Variants in ERO1B observed in about 807,000 individuals in gnomAD.
ERO1B encodes endoplasmic reticulum oxidoreductase 1 beta, also known as ERO1-like protein beta.
ERO1B carries 49 observed loss-of-function variants against 75.3 expected under a neutral mutation model. That is an observed-to-expected ratio of 0.65 (90% CI 0.52 to 0.83). ERO1B has a LOEUF of 0.83. Among genes scored for constraint, ERO1B ranks in the 40% least tolerant of loss-of-function variants. The pLI, the probability that ERO1B is intolerant of heterozygous loss-of-function variation, is 0.00. For synonymous variants in ERO1B, 191 were observed against 192.9 expected, an observed-to-expected ratio of 0.99 and a Z score of 0.08; for missense variants, 512 against 560.1, an observed-to-expected ratio of 0.91 and a Z score of 0.87.
At chr1:236,267,864 T>C (rs1359458832) in intron 2 of ERO1B, 2 of 151,996 alleles carry the variant, frequency 1.3e-5, no homozygotes, top group East Asian at 1.9e-4. Flanking sequence ...ATATATTACA[T>C]GGATTTTTGG....
intron 4 of ERO1B, among the ~76,000 whole-genome samples, chr1:236,250,429 G>T (rs1051032187): frequency 6.6e-5 from 10 of 151,622 alleles, no homozygotes; most frequent in African/African-American, 1.7e-4. Context: ...CTGAGATCAC[G>T]CCACTGCACT....
In ERO1B at chr1:236,269,932, G is replaced by A. The variant is rs958010730; in HGVS notation, c.165C>T (p.Tyr55=). 1 of 1,605,034 alleles carries A rather than the reference G, an allele frequency of 6.2e-7. No homozygotes were observed. Among genetic ancestry groups the A allele is most frequent in the Non-Finnish European group, 8.5e-7 (1 of 1,171,912 alleles). Reference sequence around the variant, plus strand: ...ATTTTTTTATTTTGGGGAAGATTTTGTAGGTATTGAAGTTATCGATGCTGT... The same window carrying A: ...ATTTTTTTATTTTGGGGAAGATTTTATAGGTATTGAAGTTATCGATGCTGT... The part of the protein sequence containing the change: ...DIDSIDNFNT[Y]KIFPKIKKLQ... The change falls in exon 2 of 16, where the codon TAC becomes TAT. Residue 55 remains tyrosine, a synonymous_variant. Coordinates refer to ENST00000354619, the MANE Select transcript of ERO1B (RefSeq NM_019891.4).
chr1:236,261,880 C>T (rs953972650), intron 2 of ERO1B, among the ~76,000 whole-genome samples: 3 of 152,050 alleles, frequency 2.0e-5, no homozygotes, highest in Admixed American at 1.3e-4. Flanking sequence ...GTTTTCAAGG[C>T]TACAGTGAGC....
chr1:236,236,119 G>T (rs1186189190), intron 7 of ERO1B, among the ~76,000 whole-genome samples, 159 bp downstream of exon 7: 1 of 152,086 alleles, frequency 6.6e-6, no homozygotes, highest in Non-Finnish European at 1.5e-5. Context: ...TTGACACGGG[G>T]TTTCACCATG....
At chr1:236,235,236 G>A (rs757525508) in intron 8 of ERO1B, among the ~76,000 whole-genome samples, 25 of 152,126 alleles carry the variant, frequency 1.6e-4, no homozygotes, top group Admixed American at 9.2e-4. Flanking sequence ...TACATGAGTC[G>A]GCACCTGAGG....
chr1:236,227,626 A>G (rs1266024423), intron 10 of ERO1B, among the ~76,000 whole-genome samples: 3 of 152,152 alleles, frequency 2.0e-5, no homozygotes, highest in Non-Finnish European at 4.4e-5. Context: ...CACTTTCCCC[A>G]TGCAGGAAAA....
intron 1 of ERO1B, among the ~76,000 whole-genome samples, chr1:236,271,501 C>T (rs1417484979): frequency 6.6e-6 from 1 of 152,148 alleles, no homozygotes; most frequent in Non-Finnish European, 1.5e-5. Context: ...TTCCATTGCT[C>T]TCACTTACTA....
intron 2 of ERO1B, among the ~76,000 whole-genome samples, chr1:236,263,300 G>A (rs1325703705): frequency 6.6e-6 from 1 of 152,120 alleles, no homozygotes; most frequent in African/African-American, 2.4e-5. Flanking sequence ...CCAGGCTGGA[G>A]TGCAGTGGCA....
At chr1:236,277,071 A>C (rs1467127109) in intron 1 of ERO1B, among the ~76,000 whole-genome samples, 1 of 152,132 alleles carries the variant, frequency 6.6e-6, no homozygotes, top group Non-Finnish European at 1.5e-5. Context: ...TCTTTTCTTT[A>C]AAAATTACCC....
chr1:236,250,602 T>C (rs1249444479), intron 4 of ERO1B, among the ~76,000 whole-genome samples: 24 of 62,308 alleles, frequency 3.9e-4, no homozygotes, highest in Non-Finnish European at 5.4e-4. Flanking sequence ...TATATATATA[T>C]ATATATATAT....
chr1:236,270,350 G>A (rs1665562797), intron 1 of ERO1B, among the ~76,000 whole-genome samples: 1 of 152,126 alleles, frequency 6.6e-6, no homozygotes, highest in South Asian at 2.1e-4. Context: ...AGTAACCCAT[G>A]TCTTTTATCT....
rs2102937134 is a variant in ERO1B, at chr1:236,220,781, T to C, written c.1343+51A>G. ...AGCAAAGAAGATTATCTTTGCAGTTTGTTGAAACCCAATGGGAAATCAAAA... is the reference window on the plus strand; with the variant it reads ...AGCAAAGAAGATTATCTTTGCAGTTCGTTGAAACCCAATGGGAAATCAAAA... On this transcript the variant is annotated intron_variant, in intron 15 of 15. Coordinates refer to ENST00000354619, the MANE Select transcript of ERO1B (RefSeq NM_019891.4). The C allele has an allele frequency of 4.1e-6, 6 of 1,465,922 alleles. No homozygotes were observed. The East Asian group carries it at 1.5e-4, about 36-fold the overall frequency. The allele number at this position is 1,465,922 out of a possible 1,614,324, so 90.8% of individuals were successfully genotyped here.
chr1:236,259,733 AT>A (rs1665250338), intron 2 of ERO1B, among the ~76,000 whole-genome samples: 1 of 152,250 alleles, frequency 6.6e-6, no homozygotes, highest in Non-Finnish European at 1.5e-5. Flanking sequence ...AGGTAAATAT[AT>A]AAAGCAAATA....
intron 1 of ERO1B, among the ~76,000 whole-genome samples, chr1:236,278,343 C>A (rs1003246761): frequency 6.6e-6 from 1 of 151,902 alleles, no homozygotes; most frequent in African/African-American, 2.4e-5. Context: ...TTCTCGTTTA[C>A]CCTTATACTG....
chr1:236,244,602 T>C (rs1664795695), intron 5 of ERO1B, among the ~76,000 whole-genome samples: 1 of 152,184 alleles, frequency 6.6e-6, no homozygotes, highest in Admixed American at 6.5e-5. Flanking sequence ...AAATTCCTAT[T>C]TTCTTGTTAA....
intron 1 of ERO1B, among the ~76,000 whole-genome samples, chr1:236,272,875 G>T (rs2812475): frequency 0.91 from 139,137 of 152,106 alleles, 64,877 homozygotes; most frequent in East Asian, 1. Context: ...TTGTTAACAC[G>T]TTATTATGGC....
intron 2 of ERO1B, among the ~76,000 whole-genome samples, chr1:236,264,914 G>A (rs377534408): frequency 1.1e-4 from 16 of 152,046 alleles, no homozygotes; most frequent in South Asian, 8.3e-4. Flanking sequence ...CACACTATCC[G>A]GGCGATGGTT....
chr1:236,253,516 A>G lies in ERO1B; in HGVS notation c.223-11T>C, dbSNP rs1665089852. The G allele has an allele frequency of 6.3e-7, 1 of 1,579,704 alleles. No individual in the cohort carries two copies. On this transcript the variant is annotated splice_polypyrimidine_tract_variant and intron_variant, in intron 2 of 15. Coordinates refer to ENST00000354619, the MANE Select transcript of ERO1B (RefSeq NM_019891.4). ...TCGCTTCAGATTAACCTTGAAAGAA[A>G]GAACAAAGTTAGTAAACTCATATTA...
At chr1:236,267,078 GTCCT>G (rs1665460327) in intron 2 of ERO1B, among the ~76,000 whole-genome samples, 1 of 152,184 alleles carries the variant, frequency 6.6e-6, no homozygotes, top group South Asian at 2.1e-4. Flanking sequence ...CAACCAAGGT[GTCCT>G]TCCTTCTTTT....
Sources: allele counts gnomAD v4.1 joint callset (sites outside exome capture counted in the v4.1 genomes callset), GRCh38; gene constraint gnomAD v4.1.1; transcripts MANE v1.5; gene names NCBI Gene and HGNC (gene_info 2026-07-23, HGNC 2026-07-21).